The following ATP8B4 variants were observed in gnomAD, a reference collection of about 807,000 sequenced individuals.
ATP8B4 encodes ATPase phospholipid transporting 8B4 (putative), also known as probable phospholipid-transporting ATPase IM.
ATP8B4 carries 133 observed loss-of-function variants against 145.6 expected under a neutral mutation model. That is an observed-to-expected ratio of 0.91 (90% confidence interval 0.79 to 1.05). The LOEUF is 1.05. Ranked by LOEUF, ATP8B4 falls within the 50% of genes least tolerant of loss-of-function variation. ATP8B4 has a pLI of 0.00. For synonymous variants in ATP8B4, 507 were observed against 492.9 expected, an observed-to-expected ratio of 1.03 and a Z score of -0.38; for missense variants, 1,458 against 1,425.2, an observed-to-expected ratio of 1.02 and a Z score of -0.37.
intron 2 of ATP8B4, among the ~76,000 whole-genome samples, chr15:50,086,700 CTA>C (rs1304193169): frequency 5.8e-5 from 5 of 86,082 alleles, no homozygotes; most frequent in African/African-American, 2.9e-4. Context: ...TAATAGAGAT[CTA>C]TATTATTATA....
At chr15:50,044,082 G>A (rs1025834760) in intron 5 of ATP8B4, among the ~76,000 whole-genome samples, 3 of 152,116 alleles carry the variant, frequency 2.0e-5, no homozygotes, top group Non-Finnish European at 2.9e-5. Flanking sequence ...AAAGTTTTGA[G>A]AGAGTCAAAA....
chr15:50,152,873 G>C (rs771612162), intron 1 of ATP8B4, among the ~76,000 whole-genome samples: 3 of 152,154 alleles, frequency 2.0e-5, no homozygotes, highest in Non-Finnish European at 2.9e-5. Context: ...GTAATATTTT[G>C]TGGAGGTTTT....
At chr15:50,169,281 AGCCTCCACC>A (rs151179446) in intron 1 of ATP8B4, among the ~76,000 whole-genome samples, 12,052 of 152,276 alleles carry the variant, frequency 0.079, 506 homozygotes, top group Admixed American at 0.11. Context: ...AGTCCATTGC[AGCCTCCACC>A]ACCTCCACTA....
At chr15:50,072,421 C>T (rs2053801425) in intron 3 of ATP8B4, among the ~76,000 whole-genome samples, 1 of 152,126 alleles carries the variant, frequency 6.6e-6, no homozygotes, top group South Asian at 2.1e-4. Context: ...AGAATAAGAT[C>T]TTTATGAAGG....
chr15:49,872,705 A>G (rs1335399421), intron 25 of ATP8B4, among the ~76,000 whole-genome samples: 1 of 152,208 alleles, frequency 6.6e-6, no homozygotes, highest in East Asian at 1.9e-4. Context: ...TGTCAAGGTC[A>G]TGAAAGACAA....
At chr15:50,151,152 G>C (rs570756356) in intron 1 of ATP8B4, among the ~76,000 whole-genome samples, 1 of 152,352 alleles carries the variant, frequency 6.6e-6, no homozygotes, top group Admixed American at 6.5e-5. Flanking sequence ...TTCCATGAAA[G>C]AAAGTTGGAT....
intron 23 of ATP8B4, chr15:49,880,709 T>C (rs1230847770): frequency 6.6e-6 from 1 of 150,710 alleles, no homozygotes; most frequent in Admixed American, 6.6e-5. Flanking sequence ...TCTCCTTTGT[T>C]ACTCTCTGAT....
At chr15:50,067,925 G>A (rs906753493) in intron 3 of ATP8B4, among the ~76,000 whole-genome samples, 1 of 152,136 alleles carries the variant, frequency 6.6e-6, no homozygotes, top group Non-Finnish European at 1.5e-5. Flanking sequence ...CAGGTATGTT[G>A]TGAATATTAA....
intron 13 of ATP8B4, among the ~76,000 whole-genome samples, chr15:49,966,385 T>A (rs1045271940): frequency 2.6e-5 from 4 of 152,184 alleles, no homozygotes; most frequent in Non-Finnish European, 5.9e-5. Flanking sequence ...AAATTCTCAC[T>A]GCCAGCACAG....
chr15:49,871,657 A>C (rs8041979), intron 25 of ATP8B4, among the ~76,000 whole-genome samples: 1 of 151,938 alleles, frequency 6.6e-6, no homozygotes, highest in Non-Finnish European at 1.5e-5. Context: ...CCTTTGCTCA[A>C]TTTCAACCTC....
chr15:49,955,967 A>G (rs774506424), intron 14 of ATP8B4, among the ~76,000 whole-genome samples: 4 of 152,204 alleles, frequency 2.6e-5, no homozygotes, highest in Admixed American at 6.5e-5. Flanking sequence ...AGTTAACACT[A>G]CCATACTCAA....
chr15:50,021,118 TGATAGATAGATAGATA>T (rs113258750), intron 6 of ATP8B4, among the ~76,000 whole-genome samples: 8,797 of 146,836 alleles, frequency 0.06, 293 homozygotes, highest in Non-Finnish European at 0.08. Context: ...ATGGTGATTA[TGATAGATAGATAGATA>T]GATAGATAGA....
intron 1 of ATP8B4, among the ~76,000 whole-genome samples, chr15:50,136,742 G>A (rs2044128339): frequency 6.6e-6 from 1 of 152,112 alleles, no homozygotes; most frequent in Non-Finnish European, 1.5e-5. Flanking sequence ...TCTGGAGTCA[G>A]ACTGGCCTTT....
chr15:49,900,865 A>C (rs971748616), intron 21 of ATP8B4, among the ~76,000 whole-genome samples: 6 of 152,196 alleles, frequency 3.9e-5, no homozygotes, highest in Non-Finnish European at 4.4e-5. Flanking sequence ...CTGTGAATTT[A>C]GCATTTCTTT....
intron 5 of ATP8B4, among the ~76,000 whole-genome samples, chr15:50,041,802 T>C (rs2051305946): frequency 6.6e-6 from 1 of 152,034 alleles, no homozygotes; most frequent in African/African-American, 2.4e-5. Flanking sequence ...TAGCCAGGTG[T>C]AGTGGTGCGT....
At chr15:49,940,811 A>C (rs896086614) in intron 14 of ATP8B4, among the ~76,000 whole-genome samples, 1 of 152,172 alleles carries the variant, frequency 6.6e-6, no homozygotes, top group African/African-American at 2.4e-5. Context: ...AGTATCTGAA[A>C]TCAAAAAAGG....
At chr15:50,083,291 A>G (rs2054676183) in intron 2 of ATP8B4, among the ~76,000 whole-genome samples, 1 of 152,082 alleles carries the variant, frequency 6.6e-6, no homozygotes, top group Non-Finnish European at 1.5e-5. Context: ...AACTTTTCTT[A>G]TATGTGCCTG....
At chr15:50,002,993 C>T (rs2048018717) in intron 7 of ATP8B4, among the ~76,000 whole-genome samples, 1 of 152,124 alleles carries the variant, frequency 6.6e-6, no homozygotes, top group African/African-American at 2.4e-5. Context: ...AAGCTCTAAA[C>T]TTATTTTAAA....
rs1316878072 is a variant in ATP8B4 at position 49,950,611 on chromosome 15, C to CA, written c.1287+11365dup. Reference sequence around the variant, plus strand: ...TAACTAAAAAAAAAAAACAAACAAACAAACAAACAAAAAAAACAACAACAA... The same window carrying CA: ...TAACTAAAAAAAAAAAACAAACAAACAAAACAAACAAAAAAAACAACAACAA... On this transcript the variant is annotated intron_variant, in intron 14 of 27. Coordinates refer to ENST00000284509, the MANE Select transcript of ATP8B4 (RefSeq NM_024837.4). Among the ~76,000 whole-genome samples, 383 of 107,160 alleles carry CA rather than the reference C, an allele frequency of 3.6e-3. 7 individuals are homozygous for CA. Among genetic ancestry groups the CA allele is most frequent in the South Asian group, 4.3e-3 (16 of 3,708 alleles). 70.3% of individuals were successfully genotyped at this position (107,160 alleles called of 152,430 possible).
Sources: gnomAD v4.1 joint callset for allele counts (sites outside exome capture counted in the v4.1 genomes callset) on GRCh38, gnomAD v4.1.1 for gene constraint, MANE v1.5 for transcripts, NCBI Gene and HGNC (gene_info 2026-07-23, HGNC 2026-07-21) for gene names.